TMEM132B: variants seen among roughly 807,000 people sequenced by gnomAD.
The protein encoded by TMEM132B is transmembrane protein 132B.
In TMEM132B, 18 loss-of-function variants were observed where a neutral mutation model predicts 90.8. The ratio of observed to expected loss-of-function variants is 0.20; its 90% confidence interval spans 0.14 to 0.29. TMEM132B has a LOEUF of 0.29. TMEM132B is among the 10% of genes least tolerant of loss of function. The pLI, the probability that TMEM132B is intolerant of heterozygous loss-of-function variation, is 1.00. For synonymous variants in TMEM132B, 504 were observed against 523.3 expected, an observed-to-expected ratio of 0.96 and a Z score of 0.50; for missense variants, 1,096 against 1,326.8, an observed-to-expected ratio of 0.83 and a Z score of 2.70.
chr12:125,620,251 T>C (rs1318192081), intron 5 of TMEM132B, among the ~76,000 whole-genome samples: 1 of 152,254 alleles, frequency 6.6e-6, no homozygotes, highest in Non-Finnish European at 1.5e-5. Context: ...TATCTATACA[T>C]TTATTTTAAT....
intron 4 of TMEM132B, among the ~76,000 whole-genome samples, chr12:125,563,598 C>CAAACAAACAAACAAAA (rs774597550): frequency 1.1e-4 from 16 of 150,288 alleles, no homozygotes; most frequent in African/African-American, 3.9e-4. Context: ...AACAAACAAA[C>CAAACAAACAAACAAAA]AAAAAAAAAC....
Position 125,644,297 on chromosome 12 carries a change from G to C in TMEM132B, c.1643+16G>C. The C allele has an allele frequency of 6.2e-7, 1 of 1,613,400 alleles. No individual in the cohort carries two copies. The highest frequency in any genetic ancestry group is 1.1e-5 in the South Asian group (1 of 91,006). ...CCAACAGAAGGTGAGGAATCAAAGA[G>C]AAGGCTGTGGATCCGATTGTCCTGG... On this transcript the variant is annotated intron_variant, in intron 6 of 8. Coordinates refer to ENST00000682704, the MANE Select transcript of TMEM132B (RefSeq NM_001366854.1).
At chr12:125,629,507 G>C (rs190371390) in intron 5 of TMEM132B, among the ~76,000 whole-genome samples, 2 of 152,014 alleles carry the variant, frequency 1.3e-5, no homozygotes, top group Admixed American at 1.3e-4. Flanking sequence ...CAATGTTACT[G>C]GATTTGTTCA....
chr12:125,389,013 TACACACACACACAC>T (rs71447042), intron 2 of TMEM132B, among the ~76,000 whole-genome samples: 24 of 140,192 alleles, frequency 1.7e-4, no homozygotes, highest in South Asian at 9.8e-4. Context: ...ATATTTTCTG[TACACACACACACAC>T]ACACACACAC....
chr12:125,453,928 A>G (rs569493925), intron 3 of TMEM132B, among the ~76,000 whole-genome samples: 13 of 152,204 alleles, frequency 8.5e-5, no homozygotes, highest in African/African-American at 2.9e-4. Flanking sequence ...CTTGTTAATT[A>G]CTGTTTGGGC....
chr12:125,217,323 G>A (rs1218478181), intron 1 of TMEM132B, among the ~76,000 whole-genome samples: 1 of 152,182 alleles, frequency 6.6e-6, no homozygotes, highest in Non-Finnish European at 1.5e-5. Context: ...TCCTCTCTGA[G>A]CCTCAGTTTC....
chr12:125,544,766 G>C (rs966149122), intron 4 of TMEM132B, among the ~76,000 whole-genome samples: 1 of 152,218 alleles, frequency 6.6e-6, no homozygotes. Flanking sequence ...TGAGGTCAGA[G>C]GAGCAGTGGG....
chr12:125,658,374 T>C lies in TMEM132B; in HGVS notation c.*3664T>C, dbSNP rs1461269168. 1.3e-5 allele frequency: 2 copies of C among 152,252 alleles called. No individual in the cohort carries two copies. The highest frequency in any genetic ancestry group is 2.9e-5 in the Non-Finnish European group (2 of 68,044). The allele number at this position is 152,252 out of a possible 1,614,324, so 9.4% of individuals were successfully genotyped here. ...TCGGGGCCCTGTCAGAGAACTATTA[T>C]TAAGGCTCTGTGAGGGAACTGTTCA... is the stretch of plus-strand genomic sequence containing the variant. On this transcript the variant is annotated 3_prime_UTR_variant, in exon 9 of 9. Coordinates refer to ENST00000682704, the MANE Select transcript of TMEM132B (RefSeq NM_001366854.1).
chr12:125,283,401 G>A (rs1875254507), intron 1 of TMEM132B, among the ~76,000 whole-genome samples: 1 of 152,122 alleles, frequency 6.6e-6, no homozygotes, highest in Admixed American at 6.5e-5. Context: ...AATTAAGTGA[G>A]AAAACTAGAG....
intron 4 of TMEM132B, among the ~76,000 whole-genome samples, chr12:125,533,182 A>G (rs1883692719): frequency 6.6e-6 from 1 of 152,170 alleles, no homozygotes; most frequent in Admixed American, 6.5e-5. Flanking sequence ...TATAATTCCT[A>G]CCAGAAGCCA....
chr12:125,398,064 C>T (rs546912579), intron 2 of TMEM132B, among the ~76,000 whole-genome samples: 10 of 152,258 alleles, frequency 6.6e-5, no homozygotes, highest in Non-Finnish European at 1.0e-4. Context: ...AAGATATCAT[C>T]GGCATTTGCA....
chr12:125,387,154 G>T (rs1387285589), intron 2 of TMEM132B, among the ~76,000 whole-genome samples: 1 of 151,758 alleles, frequency 6.6e-6, no homozygotes, highest in Non-Finnish European at 1.5e-5. Flanking sequence ...TCTGGGGGTG[G>T]GGCGGGGAGA....
intron 1 of TMEM132B, among the ~76,000 whole-genome samples, chr12:125,343,896 A>AAAT (rs1315359712): frequency 2.6e-5 from 4 of 152,238 alleles, no homozygotes; most frequent in Non-Finnish European, 5.9e-5. Context: ...GTGTTAATAA[A>AAAT]AACAGTATCT....
intron 1 of TMEM132B, among the ~76,000 whole-genome samples, chr12:125,336,820 C>CT (rs1272056125): frequency 6.6e-6 from 1 of 152,180 alleles, no homozygotes; most frequent in African/African-American, 2.4e-5. Flanking sequence ...GCCCAGGTGT[C>CT]TGTCTGCCTT....
At position 125,458,726 on chromosome 12, in the gene TMEM132B, T is replaced by G. The variant is rs553326248; in HGVS notation, c.1106+43049T>G. Among the ~76,000 whole-genome samples, 1 of 152,296 alleles carries G rather than the reference T, an allele frequency of 6.6e-6. No homozygotes were observed. Among genetic ancestry groups the G allele is most frequent in the African/African-American group, 2.4e-5 (1 of 41,576 alleles). ...GGAGATGTTCCCGCCTGCACTGCTG[T>G]CACACTGGGTGGTGTTGTCAGGGTG... On this transcript the variant is annotated intron_variant, in intron 3 of 8. Transcript: ENST00000682704. The surrounding 1 kb of genome is among the most constrained non-coding windows in gnomAD (Gnocchi z 4.9).
At position 125,332,824 on chromosome 12, in the gene TMEM132B, GTGT is replaced by G. The variant is rs574484233; in HGVS notation, c.68-16627_68-16625del. Among the ~76,000 whole-genome samples, 252 of 152,054 alleles carry G rather than the reference GTGT, an allele frequency of 1.7e-3. 3 individuals are homozygous for G. The highest frequency in any genetic ancestry group is 0.014 in the Middle Eastern group (4 of 294). On this transcript the variant is annotated intron_variant, in intron 1 of 8. Transcript: ENST00000682704. The stretch of plus-strand genomic sequence containing the variant: ...AGTTTTTCCTTTCTTTAGTTACTTT[GTGT>G]GTTGGAAAATAATGAACTGCCTTAA...
chr12:125,291,705 C>T (rs1875545273), intron 1 of TMEM132B, among the ~76,000 whole-genome samples: 3 of 152,098 alleles, frequency 2.0e-5, no homozygotes, highest in African/African-American at 7.2e-5. Context: ...AGCAGAGAAC[C>T]CAGACATGAT....
intron 1 of TMEM132B, among the ~76,000 whole-genome samples, chr12:125,338,928 G>A (rs1165310862): frequency 1.3e-5 from 2 of 152,182 alleles, no homozygotes; most frequent in Admixed American, 6.5e-5. Flanking sequence ...TTTGAAGGAA[G>A]AATGTCAATA....
chr12:125,270,816 T>G (rs1179782833), intron 1 of TMEM132B, among the ~76,000 whole-genome samples: 2 of 151,732 alleles, frequency 1.3e-5, no homozygotes, highest in African/African-American at 2.4e-5. Context: ...GCAGTAGAGG[T>G]ACTTGGGGGC....
Sources: allele counts gnomAD v4.1 joint callset (sites outside exome capture counted in the v4.1 genomes callset), GRCh38; gene constraint gnomAD v4.1.1; non-coding constraint Gnocchi (gnomAD v3.1); transcripts MANE v1.5; gene names NCBI Gene and HGNC (gene_info 2026-07-23, HGNC 2026-07-21).